The following HSPA4L variants were observed in gnomAD, a reference collection of about 807,000 sequenced individuals.
HSPA4L encodes the protein heat shock 70 kDa protein 4L.
A neutral mutation model predicts 100.3 loss-of-function variants in HSPA4L; 48 were observed. That is an observed-to-expected ratio of 0.48 (90% confidence interval 0.38 to 0.61). HSPA4L has a LOEUF of 0.61. HSPA4L is among the 20% of genes least tolerant of loss of function. HSPA4L has a pLI of 0.00. For synonymous variants in HSPA4L, 319 were observed against 328.2 expected (o/e 0.97, Z 0.30); for missense variants, 886 against 988.6 (o/e 0.90, Z 1.39).
chr4:127,794,133 A>T lies in HSPA4L; in HGVS notation c.164A>T (p.Gln55Leu), dbSNP rs746605957. 1 of 1,609,846 alleles carries T rather than the reference A, an allele frequency of 6.2e-7. No homozygotes were observed. Among genetic ancestry groups the T allele is most frequent in the Non-Finnish European group, 8.5e-7 (1 of 1,176,952 alleles). Residue 55 changes from glutamine to leucine, a missense_variant and splice_region_variant, in exon 2 of 19, where the codon CAG becomes CTG. Transcript: ENST00000296464. ...GCCATTGGAAATGCAGCAAAGAGCC[A>T]GGTAAATTGTTAATGTGGATGTTTT... ...TRAIGNAAKS[Q>L]IVTNVRNTIH... is the part of the protein sequence containing the mutation.
chr4:127,795,229 T>G lies in HSPA4L; in HGVS notation c.166-539T>G, dbSNP rs566376270. Among the ~76,000 whole-genome samples the G allele has an allele frequency of 1.0e-3, 158 of 152,214 alleles. 1 individual carries two copies. The highest frequency in any genetic ancestry group is 5.9e-3 in the Admixed American group (90 of 15,298). ...GCTGCATATCCCTTATAAGAAATGC[T>G]TGGGACCAGAAGTATTCAGATTCTG... On this transcript the variant is annotated intron_variant, in intron 2 of 18. Coordinates refer to ENST00000296464, the MANE Select transcript of HSPA4L (RefSeq NM_014278.4).
chr4:127,803,807 C>T lies in HSPA4L; in HGVS notation c.842C>T (p.Ala281Val). 1 of 1,613,692 alleles carries T rather than the reference C, an allele frequency of 6.2e-7. No individual in the cohort carries two copies. The highest frequency in any genetic ancestry group is 8.5e-7 in the Non-Finnish European group (1 of 1,179,728). The change falls in exon 7 of 19, where the codon GCA (alanine) becomes GTA (valine). Residue 281 changes from alanine to valine, a missense_variant. Ala to Val is a moderately conservative substitution (Grantham distance 64). Coordinates refer to ENST00000296464, the MANE Select transcript of HSPA4L (RefSeq NM_014278.4). ...EKLKKLMSAN[A>V]SDLPLNIECF... is the part of the protein sequence containing the mutation. ...CTAAAGAAGCTAATGAGTGCAAATG[C>T]ATCAGATCTTCCATTGAACATTGAG... is the stretch of plus-strand genomic sequence containing the variant.
In HSPA4L at chr4:127,823,570, A is replaced by C. The variant is rs754330951; in HGVS notation, c.1992A>C (p.Glu664Asp). The change falls in exon 16 of 19, where the codon GAA becomes GAC. Residue 664 changes from glutamate to aspartate, a missense_variant. Coordinates refer to ENST00000296464, the MANE Select transcript of HSPA4L (RefSeq NM_014278.4). ...VLEDTENWLY[E>D]DGEDQPKQVY... ...AAGACACAGAAAATTGGCTTTATGA[A>C]GACGGAGAGGACCAACCTAAACAAG... 1.2e-6 allele frequency: 2 copies of C among 1,613,814 alleles called. No individual in the cohort carries two copies. Among genetic ancestry groups the C allele is most frequent in the African/African-American group, 2.7e-5 (2 of 74,928 alleles).
At chr4:127,802,971 C>A (rs896941963) in intron 6 of HSPA4L, among the ~76,000 whole-genome samples, 6 of 152,068 alleles carry the variant, frequency 3.9e-5, no homozygotes, top group African/African-American at 1.4e-4. Context: ...GTCATTTAAC[C>A]CTAGGGAGAG....
Position 127,803,670 on chromosome 4 carries a change from CT to C in HSPA4L, c.708del (p.Phe236LeufsTer5). On this transcript the variant is annotated frameshift_variant, in exon 7 of 19. Coordinates refer to ENST00000296464, the MANE Select transcript of HSPA4L (RefSeq NM_014278.4). LOFTEE classifies it high-confidence loss of function. ...TFDPYLGGRN[F>X]DEALVDYFCD... ...TTGATCCATATTTGGGTGGCAGGAACTTTGATGAGGCTTTAGTAGACTACTT... is the reference window on the plus strand; with the variant it reads ...TTGATCCATATTTGGGTGGCAGGAACTTGATGAGGCTTTAGTAGACTACTT... 1 of 1,613,360 alleles carries C rather than the reference CT, an allele frequency of 6.2e-7. No individual in the cohort carries two copies. Among genetic ancestry groups the C allele is most frequent in the Non-Finnish European group, 8.5e-7 (1 of 1,179,788 alleles).
chr4:127,789,763 C>G (rs1243617220), intron 1 of HSPA4L, among the ~76,000 whole-genome samples: 1 of 152,060 alleles, frequency 6.6e-6, no homozygotes, highest in Non-Finnish European at 1.5e-5. Context: ...CTTGGATAAA[C>G]TGTATCTTTT....
chr4:127,822,822 T>C lies in HSPA4L; in HGVS notation c.1866T>C (p.Asn622=). 6.2e-7 allele frequency: 1 copy of C among 1,613,750 alleles called. No individual in the cohort carries two copies. Among genetic ancestry groups the C allele is most frequent in the Non-Finnish European group, 8.5e-7 (1 of 1,179,726 alleles). Residue 622 remains asparagine, a synonymous_variant, in exon 15 of 19, where the codon AAT becomes AAC. Transcript: ENST00000296464. ...KLEKERNDAK[N]AVEEYVYDFR... Reference sequence around the variant, plus strand: ...AGAAAGAAAGAAATGATGCTAAGAATGCCGTTGAAGAATATGTATATGATT... The same window carrying C: ...AGAAAGAAAGAAATGATGCTAAGAACGCCGTTGAAGAATATGTATATGATT...
chr4:127,811,381 A>C, intron 11 of HSPA4L, 56 bp from the exon 12 acceptor site: 3 of 1,260,078 alleles, frequency 2.4e-6, no homozygotes, highest in Non-Finnish European at 3.5e-6. Context: ...TTATTCAATG[A>C]ATTGAATAAG....
rs190963998 is a variant in HSPA4L at position 127,827,132 on chromosome 4, G to A, written c.2047-173G>A. 8.6e-4 allele frequency among the ~76,000 whole-genome samples: 131 copies of A among 152,268 alleles called. 1 individual carries two copies. The highest frequency in any genetic ancestry group is 3.8e-4 in the Non-Finnish European group (26 of 67,992). On this transcript the variant is annotated intron_variant, in intron 16 of 18. Transcript: ENST00000296464. Reference sequence around the variant, plus strand: ...GATAAGGTGTGTGGAAGGCATCCTTGTGTAGGATTGAGGAAGTAGCTACTG... The same window carrying A: ...GATAAGGTGTGTGGAAGGCATCCTTATGTAGGATTGAGGAAGTAGCTACTG...
chr4:127,811,792 A>G (rs898850914), intron 12 of HSPA4L, among the ~76,000 whole-genome samples, 156 bp downstream of exon 12: 1 of 152,204 alleles, frequency 6.6e-6, no homozygotes, highest in African/African-American at 2.4e-5. Context: ...TGATAAAAGC[A>G]TTAAGGAATA....
intron 18 of HSPA4L, among the ~76,000 whole-genome samples, chr4:127,832,399 T>G (rs535082056): frequency 6.6e-6 from 1 of 152,330 alleles, no homozygotes; most frequent in East Asian, 1.9e-4. Context: ...AAATTATTCC[T>G]GCCAAAGTAA....
At chr4:127,795,930 T>C in intron 3 of HSPA4L, 22 bp downstream of exon 3, 1 of 1,605,308 alleles carries the variant, frequency 6.2e-7, no homozygotes, top group Non-Finnish European at 8.5e-7. Context: ...ATTCCCAGGG[T>C]TACAAACATA....
At chr4:127,813,642 A>G (rs1173270072) in intron 12 of HSPA4L, among the ~76,000 whole-genome samples, 2 of 151,662 alleles carry the variant, frequency 1.3e-5, no homozygotes, top group Non-Finnish European at 2.9e-5. Context: ...TCATTTATCT[A>G]TTTTTTTGTT....
At chr4:127,797,264 C>G (rs1409859823) in intron 3 of HSPA4L, among the ~76,000 whole-genome samples, 2 of 152,114 alleles carry the variant, frequency 1.3e-5, no homozygotes, top group African/African-American at 2.4e-5. Flanking sequence ...ATGATAAGCT[C>G]TAGTTAATGG....
At chr4:127,804,608 A>AACACACACAAAC (rs924274646) in intron 8 of HSPA4L, among the ~76,000 whole-genome samples, 4 of 144,316 alleles carry the variant, frequency 2.8e-5, no homozygotes, top group African/African-American at 1.0e-4. Flanking sequence ...TCTGTCTCAA[A>AACACACACAAAC]ACACACACAC....
In HSPA4L at chr4:127,827,421, CAAGGT is replaced by C; in HGVS notation, c.2165_2166+3del. On this transcript the variant is annotated splice_donor_variant and coding_sequence_variant, in exon 17 of 19. Transcript: ENST00000296464. LOFTEE classifies it high-confidence loss of function. ...TGAAAGTGATAGAAGCTTATAGAAA[CAAGGT>C]ATTGAATTCATAAAGCCAATTGGTG... 3.1e-6 allele frequency: 5 copies of C among 1,613,502 alleles called. No individual in the cohort carries two copies. The highest frequency in any genetic ancestry group is 4.2e-6 in the Non-Finnish European group (5 of 1,179,634).
chr4:127,817,577 T>A (rs1180176145), intron 12 of HSPA4L, among the ~76,000 whole-genome samples: 1 of 152,094 alleles, frequency 6.6e-6, no homozygotes, highest in African/African-American at 2.4e-5. Flanking sequence ...TTTGGAGATT[T>A]TATTGGTAGA....
Position 127,832,803 on chromosome 4 carries a change from G to A in HSPA4L, c.2449G>A (p.Glu817Lys). Residue 817 changes from glutamate (E) to lysine (K), a missense_variant, in exon 19 of 19, where the codon GAA (glutamate) becomes AAA (lysine). Coordinates refer to ENST00000296464, the MANE Select transcript of HSPA4L (RefSeq NM_014278.4). ...CCCAATGGATGGACAGAGTGGAACT[G>A]AAACTAAATCAGATTCAACAAAAGA... ...NGPMDGQSGTETKSDSTKDSS... is the reference protein window; with the variant it reads ...NGPMDGQSGTKTKSDSTKDSS... 1 of 1,613,588 alleles carries A rather than the reference G, an allele frequency of 6.2e-7. No homozygotes were observed. The highest frequency in any genetic ancestry group is 8.5e-7 in the Non-Finnish European group (1 of 1,179,690).
At chr4:127,831,257 T>C (rs550940432) in intron 18 of HSPA4L, among the ~76,000 whole-genome samples, 7 of 151,976 alleles carry the variant, frequency 4.6e-5, no homozygotes, top group African/African-American at 1.7e-4. Flanking sequence ...CCCAGCACTT[T>C]GGGGGGGTTG....
Sources: allele counts gnomAD v4.1 joint callset (sites outside exome capture counted in the v4.1 genomes callset), GRCh38; gene constraint gnomAD v4.1.1; transcripts MANE v1.5; gene names NCBI Gene and HGNC (gene_info 2026-07-23, HGNC 2026-07-21).